Variants in PNKD observed in about 807,000 individuals in gnomAD.
PNKD encodes probable thioesterase PNKD.
In PNKD, 36 loss-of-function variants were observed where a neutral mutation model predicts 45.3. That is an observed-to-expected ratio of 0.80 (90% confidence interval 0.61 to 1.05). PNKD has a LOEUF of 1.05. Ranked by LOEUF, PNKD falls within the 50% of genes least tolerant of loss-of-function variation. The probability of loss-of-function intolerance (pLI) is 0.00; values close to 1 mark genes in which losing one functional copy is unlikely to be tolerated. For synonymous variants in PNKD, 197 were observed against 210.1 expected (o/e 0.94, Z 0.54); for missense variants, 511 against 506.6 (o/e 1.01, Z -0.08).
chr2:218,279,361 C>A (rs768814239), intron 2 of PNKD: 1 of 1,562,858 alleles, frequency 6.4e-7, no homozygotes, highest in Non-Finnish European at 8.7e-7. Flanking sequence ...AACCTGGACA[C>A]AGACGGCCGG....
chr2:218,302,437 G>C (rs1394574769), intron 2 of PNKD, among the ~76,000 whole-genome samples: 3 of 152,202 alleles, frequency 2.0e-5, no homozygotes, highest in Non-Finnish European at 4.4e-5. Context: ...GATGGGCCGT[G>C]GGGGGTGGTG....
chr2:218,335,197 A>C (rs1230372531), intron 2 of PNKD, among the ~76,000 whole-genome samples: 3 of 151,622 alleles, frequency 2.0e-5, no homozygotes, highest in African/African-American at 4.8e-5. Flanking sequence ...ATAAATAAAA[A>C]TGGGCTGGGC....
intron 2 of PNKD, among the ~76,000 whole-genome samples, chr2:218,319,363 T>C (rs1693913814): frequency 6.8e-6 from 1 of 146,570 alleles, no homozygotes; most frequent in African/African-American, 2.5e-5. Context: ...ACTGTCTTTC[T>C]TGTTTGTCTT....
At position 218,271,389 on chromosome 2, in the gene PNKD, G is replaced by A. The variant is rs1222343109; in HGVS notation, c.76G>A (p.Ala26Thr). 9.3e-6 allele frequency: 15 copies of A among 1,613,600 alleles called. No homozygotes were observed. The highest frequency in any genetic ancestry group is 1.0e-5 in the Non-Finnish European group (12 of 1,179,632). The change falls in exon 2 of 10, where the codon GCA becomes ACA. Residue 26 changes from alanine (A) to threonine (T), a missense_variant. Coordinates refer to ENST00000273077, the MANE Select transcript of PNKD (RefSeq NM_015488.5). ...RNARVLRGIL[A>T]GATANKASHN... ...CTTACCTCCATCCACAGGGATTCTC[G>A]CAGGAGCCACAGCTAACAAGGCTTC... is the stretch of plus-strand genomic sequence containing the variant.
chr2:218,304,669 T>A (rs1042712756), intron 2 of PNKD, among the ~76,000 whole-genome samples: 5 of 152,180 alleles, frequency 3.3e-5, no homozygotes, highest in Middle Eastern at 3.2e-3. Context: ...AGAGGATCAG[T>A]GGAAAGAGCA....
At chr2:218,334,568 G>T in intron 2 of PNKD, 1 of 591,782 alleles carries the variant, frequency 1.7e-6, no homozygotes. Flanking sequence ...CGGGAGGATC[G>T]CTTGAGCCCA....
chr2:218,307,231 T>C (rs940897883), intron 2 of PNKD, among the ~76,000 whole-genome samples: 2 of 151,970 alleles, frequency 1.3e-5, no homozygotes, highest in African/African-American at 4.8e-5. Flanking sequence ...TTCCAGGGAC[T>C]GGGGGAGGCA....
Position 218,277,140 on chromosome 2 carries a change from G to A in PNKD, c.236+5591G>A. Reference sequence around the variant, plus strand: ...AAAGAGGCACCTGTCAGATGGCTGTGACAACCAGCCCAGTCAGACTGGCCC... The same window carrying A: ...AAAGAGGCACCTGTCAGATGGCTGTAACAACCAGCCCAGTCAGACTGGCCC... On this transcript the variant is annotated intron_variant, in intron 2 of 9. Transcript: ENST00000273077. 1.3e-6 allele frequency: 2 copies of A among 1,559,504 alleles called. 1 individual carries two copies.
chr2:218,277,172 G>GC lies in PNKD; in HGVS notation c.236+5623_236+5624insC, dbSNP rs764350409. 3.6e-6 allele frequency: 5 copies of GC among 1,374,222 alleles called. No homozygotes were observed. In the East Asian group the frequency reaches 9.2e-5, roughly 25 times the overall value. 85.1% of individuals were successfully genotyped at this position (1,374,222 alleles called of 1,614,324 possible). ...AGCCCAGTCAGACTGGCCCTGCCAG[G>GC]GAGTCCCAGTGCTGCCTCCTAGGGG... On this transcript the variant is annotated intron_variant, in intron 2 of 9. Coordinates refer to ENST00000273077, the MANE Select transcript of PNKD (RefSeq NM_015488.5).
At chr2:218,298,956 C>T (rs986783152) in intron 2 of PNKD, among the ~76,000 whole-genome samples, 1 of 152,118 alleles carries the variant, frequency 6.6e-6, no homozygotes, top group Non-Finnish European at 1.5e-5. Context: ...GAGAACCTCT[C>T]CTTACCAATA....
At chr2:218,292,103 C>T (rs1692967032) in intron 2 of PNKD, among the ~76,000 whole-genome samples, 1 of 152,324 alleles carries the variant, frequency 6.6e-6, no homozygotes, top group East Asian at 1.9e-4. Context: ...ACACAGCTGG[C>T]CACTCGGGCT....
chr2:218,296,262 G>T (rs1415916147), intron 2 of PNKD, among the ~76,000 whole-genome samples: 1 of 152,228 alleles, frequency 6.6e-6, no homozygotes, highest in South Asian at 2.1e-4. Context: ...CTGGTTGGTT[G>T]TATTTTTCCA....
intron 2 of PNKD, among the ~76,000 whole-genome samples, chr2:218,294,712 A>G (rs969631687): frequency 2.0e-5 from 3 of 152,302 alleles, no homozygotes; most frequent in East Asian, 1.9e-4. Context: ...TCCTGGGCTC[A>G]AGCAATTTGC....
chr2:218,288,027 G>A (rs1363015039), intron 2 of PNKD, among the ~76,000 whole-genome samples: 4 of 152,266 alleles, frequency 2.6e-5, no homozygotes, highest in Non-Finnish European at 5.9e-5. Context: ...TCTGAGCACA[G>A]TCCCTGTTCA....
At chr2:218,282,834 G>A (rs1435659288) in intron 2 of PNKD, among the ~76,000 whole-genome samples, 4 of 152,222 alleles carry the variant, frequency 2.6e-5, no homozygotes, top group Admixed American at 1.3e-4. Flanking sequence ...CAGGGGCTGG[G>A]GGCAGGGAGG....
chr2:218,281,560 A>G (rs951313954), intron 2 of PNKD, among the ~76,000 whole-genome samples: 1 of 152,232 alleles, frequency 6.6e-6, no homozygotes, highest in Admixed American at 6.5e-5. Context: ...TCAGGTTCCC[A>G]AAGGAGTTCC....
At chr2:218,274,153 G>A (rs929295391) in intron 2 of PNKD, 1 of 154,944 alleles carries the variant, frequency 6.5e-6, no homozygotes, top group Non-Finnish European at 1.5e-5. Flanking sequence ...GGAAGAAGTG[G>A]ATACTTTGGG....
intron 2 of PNKD, among the ~76,000 whole-genome samples, chr2:218,295,950 A>G (rs1303725898): frequency 1.3e-5 from 2 of 149,254 alleles, no homozygotes; most frequent in African/African-American, 2.5e-5. Context: ...GGCTCAAGCC[A>G]TCCTCCCACC....
chr2:218,284,522 C>T (rs549407918), intron 2 of PNKD, among the ~76,000 whole-genome samples: 72 of 152,374 alleles, frequency 4.7e-4, no homozygotes, highest in African/African-American at 1.7e-3. Context: ...GGTTCTGGTG[C>T]AGCTCAGCGG....
Sources: allele counts gnomAD v4.1 joint callset (sites outside exome capture counted in the v4.1 genomes callset), GRCh38; gene constraint gnomAD v4.1.1; transcripts MANE v1.5; gene names NCBI Gene and HGNC (gene_info 2026-07-23, HGNC 2026-07-21).